Variants in PAMR1 observed in about 807,000 individuals in gnomAD.
The protein encoded by PAMR1 is peptidase domain containing associated with muscle regeneration 1.
In PAMR1, 88 loss-of-function variants were observed where a neutral mutation model predicts 81.8. The observed-to-expected ratio is 1.08, with a 90% confidence interval of 0.91 to 1.28. The LOEUF (loss-of-function observed/expected upper bound fraction) is 1.28, where lower values mean the gene tolerates loss of function less well. Ranked by LOEUF, PAMR1 falls within the 50% of genes most tolerant of loss-of-function variation. The pLI is 0.00. For synonymous variants in PAMR1, 336 were observed against 345.3 expected (o/e 0.97, Z 0.30); for missense variants, 935 against 919.7 (o/e 1.02, Z -0.21).
At chr11:35,525,680 G>A (rs1851374479), upstream of PAMR1, 2 of 1,023,158 alleles carry the variant, frequency 2.0e-6, no homozygotes, top group Non-Finnish European at 1.5e-6. Flanking sequence ...ACCTCCCCGA[G>A]CCCCAGCTGA....
intron 6 of PAMR1, among the ~76,000 whole-genome samples, chr11:35,446,229 TTTC>T (rs1319450960): frequency 6.6e-6 from 1 of 152,198 alleles, no homozygotes; most frequent in Non-Finnish European, 1.5e-5. Context: ...TAGTCTCTCT[TTTC>T]TTCTTTATTA....
chr11:35,435,430 GCTCCTGAC>G (rs1811413934), intron 9 of PAMR1, among the ~76,000 whole-genome samples: 1 of 151,926 alleles, frequency 6.6e-6, no homozygotes. Flanking sequence ...CTGGTCTCGA[GCTCCTGAC>G]CTCAAATGAC....
Position 35,432,395 on chromosome 11 carries a change from C to A in PAMR1, c.2124G>T (p.Val708=). The A allele has an allele frequency of 6.2e-7, 1 of 1,613,688 alleles. No individual in the cohort carries two copies. The highest frequency in any genetic ancestry group is 1.1e-5 in the South Asian group (1 of 91,084). Residue 708 remains valine (V), a synonymous_variant, in exon 11 of 11, where the codon GTG becomes GTT. Transcript: ENST00000619888. ...SHRLSTAFTK[V]LPFKDWIERN... is the part of the protein sequence containing the mutation. ...TTTCAATCCAGTCTTTAAAAGGCAG[C>A]ACCTTGGTGAAGGCAGTGGAGAGCC...
At chr11:35,466,718 C>G (rs1856763851) in intron 6 of PAMR1, among the ~76,000 whole-genome samples, 1 of 105,136 alleles carries the variant, frequency 9.5e-6, no homozygotes, top group Admixed American at 1.2e-4. Context: ...CAGAGAGAGG[C>G]TCTATCTCAA....
intron 3 of PAMR1, among the ~76,000 whole-genome samples, chr11:35,491,313 G>C (rs115860994): frequency 2.0e-5 from 3 of 152,100 alleles, no homozygotes. Flanking sequence ...CTCCCTCTCT[G>C]TAAACTGGAA....
intron 1 of PAMR1, among the ~76,000 whole-genome samples, chr11:35,503,283 CTTT>C (rs35661071): frequency 0.3 from 42,177 of 139,656 alleles, 5,938 homozygotes; most frequent in East Asian, 0.35. Context: ...ATGTCTCCAG[CTTT>C]TTTTTTTTTT....
rs551974567 is a variant in PAMR1 at position 35,494,830 on chromosome 11, CATTTTT to C, written c.74-564_74-559del. ...GATGAAGTTTGTTATAACTGCTATT[CATTTTT>C]ATTTTTATCTTTAAAAAAAGAAATC... On this transcript the variant is annotated intron_variant, in intron 1 of 10. Coordinates refer to ENST00000619888, the MANE Select transcript of PAMR1 (RefSeq NM_001001991.3). Among the ~76,000 whole-genome samples, 23 of 152,294 alleles carry C rather than the reference CATTTTT, an allele frequency of 1.5e-4. No individual in the cohort carries two copies. In the East Asian group the frequency reaches 4.1e-3, roughly 27 times the overall value.
intron 3 of PAMR1, among the ~76,000 whole-genome samples, chr11:35,481,362 C>T (rs1207238667): frequency 6.6e-6 from 1 of 152,190 alleles, no homozygotes; most frequent in East Asian, 1.9e-4. Context: ...GCCTCACCAG[C>T]ATCTATCATT....
chr11:35,479,449 C>A (rs549081586), intron 3 of PAMR1, among the ~76,000 whole-genome samples: 1 of 152,318 alleles, frequency 6.6e-6, no homozygotes, highest in South Asian at 2.1e-4. Context: ...AAGCACTTAG[C>A]ACAGCACCTG....
In PAMR1 at chr11:35,434,568, A is replaced by T; in HGVS notation, c.1570T>A (p.Leu524Met). The part of the protein sequence containing the change: ...MIKTADLKVV[L>M]GKFYRDDDRD... ...TCATCATCCCGGTAGAATTTCCCCA[A>T]AACAACTTTCAGGTCTGCTGTCTTG... Residue 524 changes from leucine to methionine, a missense_variant, in exon 10 of 11, where the codon TTG (leucine) becomes ATG (methionine). Coordinates refer to ENST00000619888, the MANE Select transcript of PAMR1 (RefSeq NM_001001991.3). 5 of 1,614,016 alleles carry T rather than the reference A, an allele frequency of 3.1e-6. No homozygotes were observed. Among genetic ancestry groups the T allele is most frequent in the Non-Finnish European group, 3.4e-6 (4 of 1,180,018 alleles).
intron 2 of PAMR1, among the ~76,000 whole-genome samples, chr11:35,493,784 G>C (rs1235015859): frequency 6.6e-6 from 1 of 152,156 alleles, no homozygotes; most frequent in African/African-American, 2.4e-5. Context: ...TAAGCTCTGG[G>C]AATGCCGGAA....
chr11:35,448,067 C>A (rs112926172), intron 6 of PAMR1, among the ~76,000 whole-genome samples: 15 of 152,076 alleles, frequency 9.9e-5, no homozygotes, highest in African/African-American at 1.7e-4. Context: ...CTCTGGCTGC[C>A]CTTAACATTT....
chr11:35,513,696 G>T (rs2135420595), intron 1 of PAMR1, among the ~76,000 whole-genome samples: 1 of 152,334 alleles, frequency 6.6e-6, no homozygotes, highest in Middle Eastern at 3.4e-3. Context: ...CAGTCTGTGT[G>T]CATCAGAAGC....
At chr11:35,527,825 T>G (rs1851415942), upstream of PAMR1, among the ~76,000 whole-genome samples, 1 of 152,190 alleles carries the variant, frequency 6.6e-6, no homozygotes, top group Non-Finnish European at 1.5e-5. Flanking sequence ...CCAGGGTGAC[T>G]TCTCTTCCCA....
At chr11:35,461,350 A>G (rs1856650430) in intron 6 of PAMR1, among the ~76,000 whole-genome samples, 2 of 152,194 alleles carry the variant, frequency 1.3e-5, no homozygotes, top group Non-Finnish European at 2.9e-5. Flanking sequence ...TGCATTGTTT[A>G]CATGGCTTCA....
At chr11:35,506,605 T>C (rs551547997) in intron 1 of PAMR1, among the ~76,000 whole-genome samples, 48 of 152,164 alleles carry the variant, frequency 3.2e-4, no homozygotes, top group South Asian at 8.3e-4. Context: ...TGTTTTTTTT[T>C]CAGCACTTTG....
At chr11:35,479,512 C>T (rs1850344761) in intron 3 of PAMR1, among the ~76,000 whole-genome samples, 1 of 152,172 alleles carries the variant, frequency 6.6e-6, no homozygotes, top group Admixed American at 6.5e-5. Flanking sequence ...TTTCTCGAGT[C>T]TTGTCTGGAT....
intron 6 of PAMR1, among the ~76,000 whole-genome samples, chr11:35,453,830 A>G (rs537039398): frequency 2.6e-5 from 4 of 152,304 alleles, no homozygotes; most frequent in African/African-American, 9.6e-5. Context: ...AGGAGCATCA[A>G]GGTCCTGCTT....
intron 6 of PAMR1, among the ~76,000 whole-genome samples, chr11:35,445,649 T>C (rs562726969): frequency 6.6e-6 from 1 of 152,374 alleles, no homozygotes; most frequent in Non-Finnish European, 1.5e-5. Context: ...GATTTGCAGA[T>C]GTTGAACCAG....
Sources: allele counts gnomAD v4.1 joint callset (sites outside exome capture counted in the v4.1 genomes callset), GRCh38; gene constraint gnomAD v4.1.1; transcripts MANE v1.5; gene names NCBI Gene and HGNC (gene_info 2026-07-23, HGNC 2026-07-21).